SGCZ: variants seen among roughly 807,000 people sequenced by gnomAD.
SGCZ encodes sarcoglycan zeta.
SGCZ carries 40 observed loss-of-function variants against 41.3 expected under a neutral mutation model. The observed-to-expected ratio is 0.97, with a 90% CI of 0.75 to 1.26. SGCZ has a LOEUF of 1.26. Ranked by LOEUF, SGCZ falls within the 50% of genes most tolerant of loss-of-function variation. The pLI, the probability that SGCZ is intolerant of heterozygous loss-of-function variation, is 0.00. For synonymous variants in SGCZ, 206 were observed against 137.5 expected, an observed-to-expected ratio of 1.50 and a Z score of -3.49; for missense variants, 552 against 369.8, an observed-to-expected ratio of 1.49 and a Z score of -4.04.
chr8:15,079,628 C>T (rs1441909060), intron 1 of SGCZ, among the ~76,000 whole-genome samples: 1 of 152,192 alleles, frequency 6.6e-6, no homozygotes, highest in Non-Finnish European at 1.5e-5. Context: ...TTCAAACCTT[C>T]TATTTCTCAG....
chr8:14,702,604 T>G (rs1809173247), intron 1 of SGCZ, among the ~76,000 whole-genome samples: 1 of 151,832 alleles, frequency 6.6e-6, no homozygotes, highest in Non-Finnish European at 1.5e-5. Context: ...CAACCCTCCC[T>G]TCAGTGTTCT....
intron 1 of SGCZ, among the ~76,000 whole-genome samples, chr8:14,824,172 G>A (rs1585293692): frequency 6.6e-6 from 1 of 151,998 alleles, no homozygotes; most frequent in African/African-American, 2.4e-5. Flanking sequence ...ATAAATTCTG[G>A]CATTCCACTG....
chr8:15,097,866 GTATATATATATATATACGTGTGTATATA>G (rs1563124049), intron 1 of SGCZ, among the ~76,000 whole-genome samples: 82 of 68,232 alleles, frequency 1.2e-3, no homozygotes, highest in African/African-American at 1.9e-3. Flanking sequence ...ACGTGTGTGT[GTATATATATATATATACGTGTGTATATA>G]TATATATATA....
intron 1 of SGCZ, among the ~76,000 whole-genome samples, chr8:14,875,608 G>C (rs1443729000): frequency 6.6e-6 from 1 of 152,116 alleles, no homozygotes; most frequent in East Asian, 1.9e-4. Flanking sequence ...TACCACTTTG[G>C]ACTGTGGTTT....
chr8:15,183,452 T>A (rs1277969178), intron 1 of SGCZ, among the ~76,000 whole-genome samples: 1 of 152,232 alleles, frequency 6.6e-6, no homozygotes, highest in Admixed American at 6.5e-5. Context: ...TGGTCCATCA[T>A]TAACCAAAAC....
At chr8:14,129,254 G>A (rs1239928000) in intron 5 of SGCZ, among the ~76,000 whole-genome samples, 3 of 142,824 alleles carry the variant, frequency 2.1e-5, no homozygotes, top group Non-Finnish European at 3.0e-5. Flanking sequence ...GCAGAGAGAA[G>A]AGAATTGCTT....
At position 14,584,797 on chromosome 8, in the gene SGCZ, C is replaced by T. The variant is rs192295126; in HGVS notation, c.40-29871G>A. ...CACATTTTCCGTGATAGGAATTAGG[C>T]TAGGAAATAGCACATACAGTATTCA... On this transcript the variant is annotated intron_variant, in intron 1 of 7. Transcript: ENST00000382080. 2.0e-5 allele frequency among the ~76,000 whole-genome samples: 3 copies of T among 151,984 alleles called. No homozygotes were observed. In the East Asian group the frequency reaches 5.8e-4, roughly 29 times the overall value.
At chr8:15,112,648 C>G (rs1807112815) in intron 1 of SGCZ, among the ~76,000 whole-genome samples, 1 of 152,164 alleles carries the variant, frequency 6.6e-6, no homozygotes, top group South Asian at 2.1e-4. Context: ...TGAAACACAG[C>G]CACCATGCCG....
intron 1 of SGCZ, among the ~76,000 whole-genome samples, chr8:14,876,755 G>A (rs768400383): frequency 5.8e-4 from 89 of 152,198 alleles, no homozygotes; most frequent in Admixed American, 1.0e-3. Context: ...GAGGCAAGAG[G>A]AAATATCAAG....
chr8:14,199,323 C>A (rs1364146632), intron 4 of SGCZ, among the ~76,000 whole-genome samples: 1 of 152,132 alleles, frequency 6.6e-6, no homozygotes, highest in African/African-American at 2.4e-5. Flanking sequence ...GAAATTCCTG[C>A]CTAATAAATT....
intron 1 of SGCZ, among the ~76,000 whole-genome samples, chr8:14,619,859 T>C (rs887384967): frequency 2.6e-5 from 4 of 152,276 alleles, no homozygotes; most frequent in Non-Finnish European, 4.4e-5. Flanking sequence ...AAAATGGCCA[T>C]ACTGCCCAAG....
intron 2 of SGCZ, among the ~76,000 whole-genome samples, chr8:14,423,757 T>C (rs1437174261): frequency 2.0e-5 from 3 of 152,252 alleles, no homozygotes; most frequent in Middle Eastern, 3.4e-3. Context: ...TTCTGTCCTT[T>C]CTTCCTTCCT....
chr8:14,263,942 G>A (rs1799769371), intron 3 of SGCZ, among the ~76,000 whole-genome samples: 1 of 152,226 alleles, frequency 6.6e-6, no homozygotes, highest in Admixed American at 6.5e-5. Flanking sequence ...AACCCAGCAT[G>A]AAGCCCAGTA....
rs1403604773 is a variant in SGCZ at position 14,886,030 on chromosome 8, TATATAA to T, written c.40-331110_40-331105del. 7.1e-5 allele frequency among the ~76,000 whole-genome samples: 7 copies of T among 98,944 alleles called. No homozygotes were observed. In the East Asian group the frequency reaches 1.4e-3, roughly 20 times the overall value. 64.9% of individuals were successfully genotyped at this position (98,944 alleles called of 152,430 possible). A position where few individuals can be genotyped will look rare whatever the true frequency, so the allele number is the denominator to read the frequency against. On this transcript the variant is annotated intron_variant, in intron 1 of 7. Transcript: ENST00000382080. The stretch of plus-strand genomic sequence containing the variant: ...ATATATATATATATATATATATATA[TATATAA>T]AATTGTATACTTAGCTTTTTCACTT...
chr8:14,928,063 T>C lies in SGCZ; in HGVS notation c.39+309522A>G, dbSNP rs188387483. On this transcript the variant is annotated intron_variant, in intron 1 of 7. Coordinates refer to ENST00000382080, the MANE Select transcript of SGCZ (RefSeq NM_139167.4). ...GCCAGAGGCCTCTGCCTTTATGAAA[T>C]TTTAGGGTGCAGTCCTTCCTAACTG... Among the ~76,000 whole-genome samples, 7 of 152,300 alleles carry C rather than the reference T, an allele frequency of 4.6e-5. No individual in the cohort carries two copies. The East Asian group carries it at 1.4e-3, about 29-fold the overall frequency.
chr8:14,425,463 A>G (rs916879955), intron 2 of SGCZ, among the ~76,000 whole-genome samples: 1 of 152,032 alleles, frequency 6.6e-6, no homozygotes, highest in South Asian at 2.1e-4. Context: ...TCTACTAAAA[A>G]TACAAAAATT....
chr8:15,095,445 G>A (rs922204257), intron 1 of SGCZ, among the ~76,000 whole-genome samples: 1 of 152,098 alleles, frequency 6.6e-6, no homozygotes, highest in Non-Finnish European at 1.5e-5. Context: ...CATTTCAGAT[G>A]CATAGTTTCT....
At chr8:14,115,212 G>T (rs1169526895) in intron 5 of SGCZ, among the ~76,000 whole-genome samples, 1 of 151,974 alleles carries the variant, frequency 6.6e-6, no homozygotes, top group East Asian at 1.9e-4. Context: ...CAAATGAGAA[G>T]TAACATACAC....
intron 1 of SGCZ, among the ~76,000 whole-genome samples, chr8:14,595,400 AACACACACACACAC>A (rs34287378): frequency 7.3e-4 from 99 of 136,394 alleles, no homozygotes; most frequent in Middle Eastern, 3.9e-3. Context: ...AACATGCACA[AACACACACACACAC>A]ACACACACAC....
Sources: allele counts gnomAD v4.1 joint callset (sites outside exome capture counted in the v4.1 genomes callset), GRCh38; gene constraint gnomAD v4.1.1; transcripts MANE v1.5; gene names NCBI Gene and HGNC (gene_info 2026-07-23, HGNC 2026-07-21).